Variants in GREM2 observed in about 807,000 individuals in gnomAD.
The protein encoded by GREM2 is gremlin 2, DAN family BMP antagonist.
Under a neutral mutation model 14.2 loss-of-function variants are expected in GREM2, and 11 were observed. That is an observed-to-expected ratio of 0.78 (90% CI 0.49 to 1.28). The LOEUF is 1.28. Ranked by LOEUF, GREM2 falls within the 50% of genes most tolerant of loss-of-function variation. GREM2 has a pLI of 0.00. For synonymous variants in GREM2, 98 were observed against 97.6 expected (o/e 1.00, Z -0.02); for missense variants, 210 against 218.5 (o/e 0.96, Z 0.24).
chr1:240,592,274 T>G (rs761553450), intron 1 of GREM2, among the ~76,000 whole-genome samples: 1 of 152,246 alleles, frequency 6.6e-6, no homozygotes, highest in East Asian at 1.9e-4. Flanking sequence ...ATTTGTAAGA[T>G]AAGTTTATAT....
At position 240,524,225 on chromosome 1, in the gene GREM2, G is replaced by A. The variant is rs761119259; in HGVS notation, c.-1-30749C>T. On this transcript the variant is annotated intron_variant, in intron 1 of 1. Transcript: ENST00000318160. Reference sequence around the variant, plus strand: ...AAGACAAAAAATAAAATGTTGCCAGGTTGGTATGAACTCCTTGCCTCAAGT... The same window carrying A: ...AAGACAAAAAATAAAATGTTGCCAGATTGGTATGAACTCCTTGCCTCAAGT... Among the ~76,000 whole-genome samples, 52 of 152,210 alleles carry A rather than the reference G, an allele frequency of 3.4e-4. 1 individual carries two copies. The highest frequency in any genetic ancestry group is 5.0e-4 in the Non-Finnish European group (34 of 68,042).
At chr1:240,510,165 T>C (rs55765104) in intron 1 of GREM2, among the ~76,000 whole-genome samples, 21,870 of 151,710 alleles carry the variant, frequency 0.14, 1,672 homozygotes, top group East Asian at 0.27. Flanking sequence ...GTCAGGAGAT[T>C]GGGACCATCC....
intron 1 of GREM2, among the ~76,000 whole-genome samples, chr1:240,560,246 G>A (rs189185254): frequency 2.6e-5 from 4 of 152,282 alleles, no homozygotes; most frequent in African/African-American, 9.6e-5. Context: ...GCCATTGCCT[G>A]ACAAAAGAAT....
chr1:240,562,992 A>T (rs1266709319), intron 1 of GREM2, among the ~76,000 whole-genome samples: 4 of 118,888 alleles, frequency 3.4e-5, no homozygotes, highest in Non-Finnish European at 1.7e-5. Context: ...GTAAGTGTGT[A>T]TGTGTGTATA....
chr1:240,558,621 C>A, intron 1 of GREM2, among the ~76,000 whole-genome samples: 1 of 151,940 alleles, frequency 6.6e-6, no homozygotes, highest in East Asian at 1.9e-4. Flanking sequence ...AAAGGAGCAC[C>A]TGAAATGTGG....
chr1:240,594,402 T>C lies in GREM2; in HGVS notation c.-2+17482A>G, dbSNP rs1344580528. Reference sequence around the variant, plus strand: ...TGATAAAAGGGTAAAAGGATAAAAATTGGTTCATTCTTTATTTGCTCTTTT... The same window carrying C: ...TGATAAAAGGGTAAAAGGATAAAAACTGGTTCATTCTTTATTTGCTCTTTT... On this transcript the variant is annotated intron_variant, in intron 1 of 1. Transcript: ENST00000318160. 2.0e-5 allele frequency among the ~76,000 whole-genome samples: 3 copies of C among 152,174 alleles called. No homozygotes were observed. In the South Asian group the frequency reaches 6.2e-4, roughly 31 times the overall value.
chr1:240,575,317 G>A (rs1278122371), intron 1 of GREM2, among the ~76,000 whole-genome samples: 1 of 151,196 alleles, frequency 6.6e-6, no homozygotes. Context: ...AAAGCACCAA[G>A]TCTTGTCCCT....
At chr1:240,607,384 C>A (rs996391476) in intron 1 of GREM2, among the ~76,000 whole-genome samples, 2 of 151,942 alleles carry the variant, frequency 1.3e-5, no homozygotes, top group African/African-American at 4.8e-5. Flanking sequence ...AGTCTTAATA[C>A]TATTAGACCC....
chr1:240,571,586 C>A (rs960000573), intron 1 of GREM2, among the ~76,000 whole-genome samples: 13 of 152,216 alleles, frequency 8.5e-5, no homozygotes, highest in Admixed American at 7.2e-4. Context: ...ATCCCAGCTA[C>A]TCAGGAGGCT....
intron 1 of GREM2, among the ~76,000 whole-genome samples, chr1:240,529,808 C>A (rs1258268435): frequency 6.6e-6 from 1 of 152,106 alleles, no homozygotes; most frequent in African/African-American, 2.4e-5. Flanking sequence ...CCTTTAGATT[C>A]CCAGGTTTAT....
At chr1:240,519,705 CT>C (rs774826031) in intron 1 of GREM2, among the ~76,000 whole-genome samples, 128 of 149,840 alleles carry the variant, frequency 8.5e-4, no homozygotes, top group South Asian at 1.9e-3. Context: ...TTTTTTTTTT[CT>C]TGAGGGCATC....
At chr1:240,520,478 G>C (rs1678059627) in intron 1 of GREM2, among the ~76,000 whole-genome samples, 1 of 152,176 alleles carries the variant, frequency 6.6e-6, no homozygotes, top group Middle Eastern at 3.2e-3. Context: ...GACTGAAATA[G>C]ATGTTTCATA....
At chr1:240,581,629 T>A (rs59300142) in intron 1 of GREM2, among the ~76,000 whole-genome samples, 3,573 of 152,318 alleles carry the variant, frequency 0.023, 106 homozygotes, top group African/African-American at 0.063. Context: ...TTTTCTGAAT[T>A]GTGTTGCTTT....
intron 1 of GREM2, among the ~76,000 whole-genome samples, chr1:240,509,677 C>T (rs1028037041): frequency 5.3e-5 from 8 of 152,064 alleles, no homozygotes; most frequent in African/African-American, 1.4e-4. Context: ...GCTCATTTGA[C>T]TCTTATGACC....
intron 1 of GREM2, among the ~76,000 whole-genome samples, chr1:240,579,703 G>A (rs887209143): frequency 3.9e-5 from 6 of 152,202 alleles, no homozygotes; most frequent in Non-Finnish European, 7.3e-5. Flanking sequence ...AGTGCCAACG[G>A]TTTCTGTCTG....
At position 240,504,971 on chromosome 1, in the gene GREM2, T is replaced by C. The variant is rs141135382; in HGVS notation, c.-1-11495A>G. 5.6e-4 allele frequency among the ~76,000 whole-genome samples: 85 copies of C among 152,314 alleles called. 2 individuals are homozygous for C. In the East Asian group the frequency reaches 0.015, roughly 27 times the overall value. On this transcript the variant is annotated intron_variant, in intron 1 of 1. Coordinates refer to ENST00000318160, the MANE Select transcript of GREM2 (RefSeq NM_022469.4). ...CCCGCCCCAATCTTATGTCAAATTATAATCCCCAATGTTGGAGGTGGGGCC... is the reference window on the plus strand; with the variant it reads ...CCCGCCCCAATCTTATGTCAAATTACAATCCCCAATGTTGGAGGTGGGGCC...
chr1:240,584,928 T>C (rs901528087), intron 1 of GREM2, among the ~76,000 whole-genome samples: 8 of 152,282 alleles, frequency 5.3e-5, no homozygotes, highest in East Asian at 3.9e-4. Flanking sequence ...AGCTGAGGGA[T>C]GACGGTGCTG....
intron 1 of GREM2, among the ~76,000 whole-genome samples, chr1:240,539,429 G>C (rs1182515280): frequency 1.3e-5 from 2 of 152,084 alleles, no homozygotes; most frequent in Non-Finnish European, 2.9e-5. Flanking sequence ...GATGAGAGGG[G>C]AGCCACACAT....
chr1:240,535,783 A>C (rs1380279191), intron 1 of GREM2, among the ~76,000 whole-genome samples: 2 of 131,806 alleles, frequency 1.5e-5, no homozygotes, highest in African/African-American at 5.9e-5. Context: ...TAGATGATAA[A>C]GGGAGACTCC....
Sources: allele counts gnomAD v4.1 joint callset (sites outside exome capture counted in the v4.1 genomes callset), GRCh38; gene constraint gnomAD v4.1.1; transcripts MANE v1.5; gene names NCBI Gene and HGNC (gene_info 2026-07-23, HGNC 2026-07-21).